The following EXOC6B variants were observed in gnomAD, a reference collection of about 807,000 sequenced individuals.
The protein encoded by EXOC6B is exocyst complex component 6B.
In EXOC6B, 54 loss-of-function variants were observed where a neutral mutation model predicts 113.5. The observed-to-expected ratio is 0.48, with a 90% CI of 0.38 to 0.60. The LOEUF is 0.60. Ranked by LOEUF, EXOC6B falls within the 20% of genes least tolerant of loss-of-function variation. EXOC6B has a pLI of 0.00. For missense variants in EXOC6B, 797 were observed against 977.5 expected (o/e 0.82, Z 2.46); for synonymous variants, 357 against 339.0 (o/e 1.05, Z -0.58).
At chr2:72,291,508 G>A (rs1286027738) in intron 20 of EXOC6B, among the ~76,000 whole-genome samples, 1 of 152,182 alleles carries the variant, frequency 6.6e-6, no homozygotes, top group African/African-American at 2.4e-5. Flanking sequence ...AGAAGGGAGA[G>A]CTTTTCCAGC....
chr2:72,293,122 G>A (rs1241218221), intron 20 of EXOC6B, among the ~76,000 whole-genome samples: 1 of 152,118 alleles, frequency 6.6e-6, no homozygotes, highest in African/African-American at 2.4e-5. Context: ...CTATTTTCCA[G>A]AGTGATAGTA....
intron 6 of EXOC6B, among the ~76,000 whole-genome samples, chr2:72,579,476 G>A (rs1705068570): frequency 6.6e-6 from 1 of 152,156 alleles, no homozygotes; most frequent in African/African-American, 2.4e-5. Context: ...GAATTCATGT[G>A]AAAATGAGAT....
intron 5 of EXOC6B, among the ~76,000 whole-genome samples, chr2:72,723,978 G>GA (rs1179965934): frequency 1.3e-5 from 2 of 152,144 alleles, no homozygotes; most frequent in Non-Finnish European, 2.9e-5. Context: ...GGCACAGCCA[G>GA]AAAAAATCAA....
chr2:72,665,930 C>G (rs1675358910), intron 6 of EXOC6B, among the ~76,000 whole-genome samples: 1 of 152,116 alleles, frequency 6.6e-6, no homozygotes, highest in African/African-American at 2.4e-5. Context: ...ATTATATGCT[C>G]TCTTCAAGAG....
chr2:72,471,576 C>A (rs1417551717), intron 17 of EXOC6B, among the ~76,000 whole-genome samples: 1 of 152,116 alleles, frequency 6.6e-6, no homozygotes, highest in Non-Finnish European at 1.5e-5. Flanking sequence ...AGGTTTTCTT[C>A]TAGGGTTTTT....
intron 20 of EXOC6B, among the ~76,000 whole-genome samples, chr2:72,272,584 G>A (rs1684558374): frequency 6.6e-6 from 1 of 152,134 alleles, no homozygotes. Context: ...CTATAAAACA[G>A]CATTTCTCAC....
chr2:72,541,021 A>G (rs1227472559), intron 8 of EXOC6B, among the ~76,000 whole-genome samples: 1 of 152,154 alleles, frequency 6.6e-6, no homozygotes, highest in East Asian at 1.9e-4. Context: ...CCCCACCAAA[A>G]TCTCAACTTG....
intron 6 of EXOC6B, among the ~76,000 whole-genome samples, chr2:72,642,145 G>A (rs1313439590): frequency 6.6e-6 from 1 of 152,154 alleles, no homozygotes; most frequent in Non-Finnish European, 1.5e-5. Context: ...TGAGAGCAGA[G>A]CATGGGTAGG....
intron 20 of EXOC6B, among the ~76,000 whole-genome samples, chr2:72,234,680 T>C (rs1681844543): frequency 6.6e-6 from 1 of 152,026 alleles, no homozygotes; most frequent in South Asian, 2.1e-4. Flanking sequence ...AGCTCTATTA[T>C]CCAGAATCTA....
At chr2:72,413,423 C>T (rs1694311367) in intron 18 of EXOC6B, among the ~76,000 whole-genome samples, 1 of 150,634 alleles carries the variant, frequency 6.6e-6, no homozygotes, top group Non-Finnish European at 1.5e-5. Flanking sequence ...CACTGTGGCT[C>T]ATGCCTGTAA....
At chr2:72,306,141 A>G (rs1686842811) in intron 20 of EXOC6B, among the ~76,000 whole-genome samples, 1 of 152,234 alleles carries the variant, frequency 6.6e-6, no homozygotes, top group Admixed American at 6.5e-5. Context: ...CACATTAAAA[A>G]AAGAGATATT....
intron 20 of EXOC6B, among the ~76,000 whole-genome samples, chr2:72,185,740 C>CTT (rs60868469): frequency 0.2 from 29,399 of 143,678 alleles, 3,277 homozygotes; most frequent in African/African-American, 0.27. Flanking sequence ...GTATTTCTTT[C>CTT]TTTTTTTTTT....
intron 6 of EXOC6B, among the ~76,000 whole-genome samples, chr2:72,598,328 G>T (rs944073351): frequency 1.3e-5 from 2 of 151,888 alleles, no homozygotes; most frequent in Admixed American, 6.6e-5. Context: ...ATGAGCCAAA[G>T]AAGTCTCAAG....
At chr2:72,679,099 T>G (rs1676513069) in intron 6 of EXOC6B, among the ~76,000 whole-genome samples, 1 of 151,996 alleles carries the variant, frequency 6.6e-6, no homozygotes, top group Non-Finnish European at 1.5e-5. Context: ...CAGAGTCTGA[T>G]TCTGTCACTC....
At chr2:72,546,535 A>T (rs1454657623) in intron 8 of EXOC6B, among the ~76,000 whole-genome samples, 2 of 152,236 alleles carry the variant, frequency 1.3e-5, no homozygotes, top group Non-Finnish European at 2.9e-5. Context: ...CAAAAAATAT[A>T]TTAAAAGCAA....
intron 2 of EXOC6B, among the ~76,000 whole-genome samples, chr2:72,734,742 A>G (rs1440971522): frequency 6.6e-6 from 1 of 152,212 alleles, no homozygotes; most frequent in East Asian, 1.9e-4. Flanking sequence ...TTACAATTGG[A>G]TGCCACATTT....
chr2:72,204,306 C>A (rs1381074386), intron 20 of EXOC6B, among the ~76,000 whole-genome samples: 1 of 152,128 alleles, frequency 6.6e-6, no homozygotes, highest in African/African-American at 2.4e-5. Context: ...GAGCTCCCCG[C>A]CCTCTGGCTC....
chr2:72,305,320 G>GTGTGTA (rs1207713581), intron 20 of EXOC6B, among the ~76,000 whole-genome samples: 8 of 85,164 alleles, frequency 9.4e-5, no homozygotes, highest in Non-Finnish European at 1.5e-4. Context: ...AAATATGGGT[G>GTGTGTA]TGTGTATATG....
intron 18 of EXOC6B, among the ~76,000 whole-genome samples, chr2:72,401,648 T>TATATATATACATATATAC (rs1693318649): frequency 3.9e-5 from 2 of 51,390 alleles, no homozygotes; most frequent in Non-Finnish European, 6.4e-5. Context: ...CATATATACA[T>TATATATATACATATATAC]ATATATATAT....
Sources: allele counts gnomAD v4.1 joint callset (sites outside exome capture counted in the v4.1 genomes callset), GRCh38; gene constraint gnomAD v4.1.1; transcripts MANE v1.5; gene names NCBI Gene and HGNC (gene_info 2026-07-23, HGNC 2026-07-21).